Variants in NKAIN2 observed in about 807,000 individuals in gnomAD.
NKAIN2 encodes sodium/potassium transporting ATPase interacting 2, also known as sodium/potassium-transporting ATPase subunit beta-1-interacting protein 2.
A neutral mutation model predicts 32.6 loss-of-function variants in NKAIN2; 14 were observed. The observed-to-expected ratio is 0.43, with a 90% CI of 0.28 to 0.67. NKAIN2 has a LOEUF of 0.67. NKAIN2 is among the 30% of genes least tolerant of loss of function. NKAIN2 has a pLI of 0.17. For missense variants in NKAIN2, 198 were observed against 258.3 expected (o/e 0.77, Z 1.60); for synonymous variants, 80 against 87.2 (o/e 0.92, Z 0.46).
At chr6:124,229,163 C>A (rs1453728959) in intron 1 of NKAIN2, among the ~76,000 whole-genome samples, 1 of 152,066 alleles carries the variant, frequency 6.6e-6, no homozygotes, top group Non-Finnish European at 1.5e-5. Context: ...GACAGAAATT[C>A]TTTGATAGGC....
chr6:124,192,048 C>T (rs1458665738), intron 1 of NKAIN2, among the ~76,000 whole-genome samples: 2 of 151,794 alleles, frequency 1.3e-5, no homozygotes, highest in Non-Finnish European at 2.9e-5. Flanking sequence ...TTGAAGACTC[C>T]ACGTTTGCTT....
intron 1 of NKAIN2, among the ~76,000 whole-genome samples, chr6:124,155,219 G>T (rs929829746): frequency 6.6e-6 from 1 of 152,074 alleles, no homozygotes; most frequent in Non-Finnish European, 1.5e-5. Flanking sequence ...ATTATATCTA[G>T]ATGGGAAGAA....
chr6:123,967,134 C>T (rs1778118884), intron 1 of NKAIN2, among the ~76,000 whole-genome samples: 1 of 152,182 alleles, frequency 6.6e-6, no homozygotes, highest in East Asian at 1.9e-4. Context: ...TGCTATGTTT[C>T]TAGAAGCACT....
intron 4 of NKAIN2, among the ~76,000 whole-genome samples, chr6:124,683,943 G>A (rs1490579274): frequency 6.6e-6 from 1 of 152,160 alleles, no homozygotes; most frequent in Non-Finnish European, 1.5e-5. Context: ...AGGAGAACAG[G>A]TTCTTTACAT....
intron 1 of NKAIN2, among the ~76,000 whole-genome samples, chr6:124,128,815 C>T (rs1786311213): frequency 6.6e-6 from 1 of 152,232 alleles, no homozygotes; most frequent in East Asian, 1.9e-4. Flanking sequence ...TTATATTTTT[C>T]TCCCTTACCA....
chr6:124,344,981 G>C (rs1462515036), intron 2 of NKAIN2, among the ~76,000 whole-genome samples: 1 of 152,102 alleles, frequency 6.6e-6, no homozygotes, highest in Non-Finnish European at 1.5e-5. Flanking sequence ...GTCATAGATA[G>C]CCCTTATTAT....
Position 124,594,355 on chromosome 6 carries a change from T to C in NKAIN2, c.274-63831T>C, listed in dbSNP as rs527591889. Among the ~76,000 whole-genome samples the C allele has an allele frequency of 3.9e-5, 6 of 152,314 alleles. No individual in the cohort carries two copies. The South Asian group carries it at 1.2e-3, about 32-fold the overall frequency. On this transcript the variant is annotated intron_variant, in intron 3 of 6. Coordinates refer to ENST00000368417, the MANE Select transcript of NKAIN2 (RefSeq NM_001040214.3). ...GACAGAGAGGGGAGCCTAGGAATGA[T>C]GAAACTTGGTAGACAGAAATTCAGG...
At chr6:123,997,781 T>C (rs2114704470) in intron 1 of NKAIN2, among the ~76,000 whole-genome samples, 1 of 151,946 alleles carries the variant, frequency 6.6e-6, no homozygotes, top group Non-Finnish European at 1.5e-5. Flanking sequence ...TTTTTTGTAT[T>C]TTTAGTAGAG....
At chr6:124,771,639 TAACAGAGATTAAA>T (rs1778761105) in intron 4 of NKAIN2, among the ~76,000 whole-genome samples, 1 of 152,234 alleles carries the variant, frequency 6.6e-6, no homozygotes, top group East Asian at 1.9e-4. Context: ...TATAGTGTAT[TAACAGAGATTAAA>T]TAAATGGCAG....
At chr6:124,340,143 A>T (rs1415136911) in intron 2 of NKAIN2, among the ~76,000 whole-genome samples, 1 of 152,170 alleles carries the variant, frequency 6.6e-6, no homozygotes, top group Non-Finnish European at 1.5e-5. Flanking sequence ...ACTGGCCAAA[A>T]TTAAGTTTAT....
intron 1 of NKAIN2, among the ~76,000 whole-genome samples, chr6:123,842,062 C>T (rs1016889126): frequency 1.3e-5 from 2 of 152,126 alleles, no homozygotes; most frequent in African/African-American, 4.8e-5. Flanking sequence ...ATCTGTCTAC[C>T]AACATCAGTA....
intron 4 of NKAIN2, among the ~76,000 whole-genome samples, chr6:124,678,846 G>T (rs1235172986): frequency 6.6e-6 from 1 of 152,180 alleles, no homozygotes; most frequent in South Asian, 2.1e-4. Flanking sequence ...TACAGGGAAA[G>T]ATCTTTGTTA....
At chr6:124,430,453 T>C (rs1037689113) in intron 3 of NKAIN2, among the ~76,000 whole-genome samples, 2 of 152,114 alleles carry the variant, frequency 1.3e-5, no homozygotes, top group Non-Finnish European at 2.9e-5. Flanking sequence ...GAGTCCTTCA[T>C]GTAGTTGCTA....
chr6:123,952,988 G>T (rs1182344413), intron 1 of NKAIN2, among the ~76,000 whole-genome samples: 1 of 152,134 alleles, frequency 6.6e-6, no homozygotes, highest in Non-Finnish European at 1.5e-5. Flanking sequence ...CTCCATAGGT[G>T]ATAACAATTA....
At chr6:124,225,225 ATTTACTTC>A (rs1333993551) in intron 1 of NKAIN2, among the ~76,000 whole-genome samples, 1 of 152,092 alleles carries the variant, frequency 6.6e-6, no homozygotes, top group East Asian at 1.9e-4. Flanking sequence ...AAATTGATGA[ATTTACTTC>A]AATGGACCAT....
intron 1 of NKAIN2, among the ~76,000 whole-genome samples, chr6:124,036,966 G>A (rs1322760192): frequency 3.3e-5 from 5 of 151,958 alleles, no homozygotes; most frequent in Admixed American, 1.3e-4. Context: ...TCAAAGCTTC[G>A]TTCTTATCTT....
chr6:124,159,070 A>G (rs1582760304), intron 1 of NKAIN2, among the ~76,000 whole-genome samples: 1 of 152,282 alleles, frequency 6.6e-6, no homozygotes, highest in African/African-American at 2.4e-5. Context: ...ATGCAAGGAT[A>G]TGGTAGACTG....
intron 3 of NKAIN2, among the ~76,000 whole-genome samples, chr6:124,412,402 C>G (rs1774239482): frequency 6.6e-6 from 1 of 152,178 alleles, no homozygotes; most frequent in South Asian, 2.1e-4. Flanking sequence ...AGTCAGGACT[C>G]TCAGCTGCAG....
chr6:124,730,624 C>T (rs1385329353), intron 4 of NKAIN2, among the ~76,000 whole-genome samples: 2 of 140,458 alleles, frequency 1.4e-5, no homozygotes, highest in East Asian at 2.3e-4. Context: ...AAAACCTAGG[C>T]ATTACCATTC....
Sources: gnomAD v4.1 joint callset for allele counts (sites outside exome capture counted in the v4.1 genomes callset) on GRCh38, gnomAD v4.1.1 for gene constraint, MANE v1.5 for transcripts, NCBI Gene and HGNC (gene_info 2026-07-23, HGNC 2026-07-21) for gene names.